Variants in PCSK5 observed in about 807,000 individuals in gnomAD.
PCSK5 encodes the protein prohormone convertase 5.
PCSK5 carries 129 observed loss-of-function variants against 233.2 expected under a neutral mutation model. That is an observed-to-expected ratio of 0.55 (90% CI 0.48 to 0.64). PCSK5 has a LOEUF of 0.64. Among genes scored for constraint, PCSK5 ranks in the 30% least tolerant of loss-of-function variants. The pLI, the probability that PCSK5 is intolerant of heterozygous loss-of-function variation, is 0.00. For synonymous variants in PCSK5, 825 were observed against 879.2 expected, an observed-to-expected ratio of 0.94 and a Z score of 1.09; for missense variants, 2,076 against 2,430.1, an observed-to-expected ratio of 0.85 and a Z score of 3.06.
chr9:76,157,086 A>T lies in PCSK5; in HGVS notation c.1354A>T (p.Met452Leu). 6.2e-7 allele frequency: 1 copy of T among 1,613,936 alleles called. No individual in the cohort carries two copies. Among genetic ancestry groups the T allele is most frequent in the South Asian group, 1.1e-5 (1 of 91,076 alleles). ...YGFGLMDAEAMVMEAEKWTTV... is the reference protein window; with the variant it reads ...YGFGLMDAEALVMEAEKWTTV... ...ATTTGGACTGATGGACGCAGAAGCC[A>T]TGGTGATGGAGGCAGAGAAGTGGAC... The change falls in exon 11 of 38, where the codon ATG becomes TTG. Residue 452 changes from methionine (M) to leucine (L), a missense_variant. Met to Leu is a conservative substitution (Grantham distance 15). Around this residue, in one of 6 missense-constraint regions of PCSK5, gnomAD observed 178 missense variants for 393.6 expected, o/e 0.45. Transcript: ENST00000674117.
chr9:75,927,228 A>G (rs1284461455), intron 1 of PCSK5, among the ~76,000 whole-genome samples: 5 of 152,148 alleles, frequency 3.3e-5, no homozygotes, highest in Admixed American at 1.3e-4. Flanking sequence ...GGCCATTTGT[A>G]TATCTTCTTT....
At chr9:76,103,374 C>T (rs1159485510) in intron 8 of PCSK5, among the ~76,000 whole-genome samples, 1 of 152,034 alleles carries the variant, frequency 6.6e-6, no homozygotes, top group Non-Finnish European at 1.5e-5. Flanking sequence ...CAATATGGCA[C>T]CTTCAAAGTA....
At chr9:76,136,074 C>T (rs1273003098) in intron 10 of PCSK5, among the ~76,000 whole-genome samples, 1 of 152,012 alleles carries the variant, frequency 6.6e-6, no homozygotes. Flanking sequence ...TTTCACTCTT[C>T]TCTTAGATGG....
At chr9:76,116,603 T>C (rs1255223123) in intron 9 of PCSK5, among the ~76,000 whole-genome samples, 2 of 135,686 alleles carry the variant, frequency 1.5e-5, no homozygotes, top group Non-Finnish European at 3.4e-5. Flanking sequence ...GATAAAATGG[T>C]GGAAAAAAAC....
chr9:76,027,094 C>A, intron 5 of PCSK5, 57 bp downstream of exon 5: 1 of 1,087,564 alleles, frequency 9.2e-7, no homozygotes, highest in Non-Finnish European at 1.4e-6. Flanking sequence ...TTGTTTTCTG[C>A]TCATACTGAG....
At chr9:76,319,545 C>T (rs567948135) in intron 30 of PCSK5, among the ~76,000 whole-genome samples, 2 of 152,194 alleles carry the variant, frequency 1.3e-5, no homozygotes, top group African/African-American at 4.8e-5. Context: ...CCCTCTGTCA[C>T]GCCCACATAA....
intron 24 of PCSK5, among the ~76,000 whole-genome samples, chr9:76,256,507 G>A (rs772914343): frequency 2.0e-5 from 3 of 152,218 alleles, no homozygotes; most frequent in South Asian, 2.1e-4. Context: ...GACATTAAAC[G>A]TCCAAGGGCA....
intron 8 of PCSK5, among the ~76,000 whole-genome samples, chr9:76,096,614 T>C (rs902840743): frequency 6.6e-5 from 10 of 152,052 alleles, no homozygotes; most frequent in African/African-American, 2.4e-4. Context: ...TTTTTTTTTT[T>C]TTCCTTTGAG....
chr9:76,304,462 C>A (rs567404900), intron 28 of PCSK5, among the ~76,000 whole-genome samples: 6 of 152,290 alleles, frequency 3.9e-5, no homozygotes, highest in Non-Finnish European at 7.3e-5. Context: ...GTAAAACAAG[C>A]CTCAGAAAGG....
intron 1 of PCSK5, among the ~76,000 whole-genome samples, chr9:75,928,634 T>TAA (rs1355253251): frequency 7.2e-6 from 1 of 138,462 alleles, no homozygotes; most frequent in Admixed American, 7.2e-5. Context: ...TATATATATA[T>TAA]ATATAATCCT....
At chr9:75,897,457 CTCTATGGA>C (rs1212493081) in intron 1 of PCSK5, among the ~76,000 whole-genome samples, 2 of 149,084 alleles carry the variant, frequency 1.3e-5, no homozygotes, top group East Asian at 3.9e-4. Flanking sequence ...AAGACATATA[CTCTATGGA>C]GGTTGCAAGA....
At chr9:76,354,405 T>A (rs1290680577) in intron 37 of PCSK5, among the ~76,000 whole-genome samples, 186 bp downstream of exon 37, 1 of 152,224 alleles carries the variant, frequency 6.6e-6, no homozygotes, top group Non-Finnish European at 1.5e-5. Context: ...GTAGGGATTA[T>A]CAGTCCCATT....
chr9:76,018,237 G>C (rs1442239212), intron 3 of PCSK5, among the ~76,000 whole-genome samples: 3 of 152,170 alleles, frequency 2.0e-5, no homozygotes, highest in African/African-American at 7.2e-5. Context: ...AAATTTTGCA[G>C]TTGTGGTAGT....
chr9:75,905,353 G>GA (rs961463793), intron 1 of PCSK5, among the ~76,000 whole-genome samples: 3 of 151,818 alleles, frequency 2.0e-5, no homozygotes, highest in African/African-American at 2.4e-5. Context: ...CTCTACAAAA[G>GA]AAAAAAATAA....
At position 76,246,717 on chromosome 9, in the gene PCSK5, A is replaced by G. The variant is rs768627845; in HGVS notation, c.3142+6033A>G. ...AAGACTGGTTGAATGAATGGGGTAC[A>G]TATACACAATAGAGCACTCTGCAGC... On this transcript the variant is annotated intron_variant, in intron 24 of 37. Coordinates refer to ENST00000674117, the MANE Select transcript of PCSK5 (RefSeq NM_001372043.1). Among the ~76,000 whole-genome samples the G allele has an allele frequency of 6.6e-5, 10 of 152,246 alleles. No homozygotes were observed. In the South Asian group the frequency reaches 8.3e-4, roughly 13 times the overall value.
rs374111364 is a variant in PCSK5 at position 76,030,682 on chromosome 9, G to C, written c.632+3645G>C. On this transcript the variant is annotated intron_variant, in intron 5 of 37. Transcript: ENST00000674117. Reference sequence around the variant, plus strand: ...TTAAATAAGCCAAATATGTGTTGTAGTCTGTATTATAATACAGACTATATG... The same window carrying C: ...TTAAATAAGCCAAATATGTGTTGTACTCTGTATTATAATACAGACTATATG... Among the ~76,000 whole-genome samples, 18 of 152,078 alleles carry C rather than the reference G, an allele frequency of 1.2e-4. No homozygotes were observed. In the East Asian group the frequency reaches 2.3e-3, roughly 20 times the overall value.
intron 7 of PCSK5, among the ~76,000 whole-genome samples, chr9:76,075,134 C>T (rs187527623): frequency 0.01 from 1,583 of 152,162 alleles, 13 homozygotes; most frequent in Middle Eastern, 0.017. Context: ...GCAGGAGAAT[C>T]GCTTGAACCC....
chr9:76,015,614 G>A (rs1006571939), intron 3 of PCSK5, among the ~76,000 whole-genome samples: 8 of 152,098 alleles, frequency 5.3e-5, no homozygotes, highest in African/African-American at 1.9e-4. Context: ...AAAAACACTG[G>A]GTTTTCATTG....
intron 3 of PCSK5, among the ~76,000 whole-genome samples, chr9:75,998,789 C>G (rs1033527393): frequency 6.6e-6 from 1 of 152,168 alleles, no homozygotes; most frequent in Admixed American, 6.5e-5. Flanking sequence ...AGTATTCTTT[C>G]ATTTATTGCC....
Sources: gnomAD v4.1 joint callset for allele counts (sites outside exome capture counted in the v4.1 genomes callset) on GRCh38, gnomAD v4.1.1 for gene constraint, gnomAD v4.1.1 regional missense constraint, MANE v1.5 for transcripts, NCBI Gene and HGNC (gene_info 2026-07-23, HGNC 2026-07-21) for gene names.